The following MPP7 variants were observed in gnomAD, a reference collection of about 807,000 sequenced individuals.
MPP7 encodes MAGUK p55 subfamily member 7.
In MPP7, 60 loss-of-function variants were observed where a neutral mutation model predicts 76.5. The ratio of observed to expected loss-of-function variants is 0.78; its 90% CI spans 0.64 to 0.97. MPP7 has a LOEUF of 0.97. Among genes scored for constraint, MPP7 ranks in the 50% least tolerant of loss-of-function variants. The probability of loss-of-function intolerance (pLI) is 0.00; values close to 1 mark genes in which losing one functional copy is unlikely to be tolerated. For missense variants in MPP7, 641 were observed against 694.0 expected (o/e 0.92, Z 0.86); for synonymous variants, 237 against 244.5 (o/e 0.97, Z 0.29).
intron 1 of MPP7, among the ~76,000 whole-genome samples, chr10:28,293,122 A>T (rs945417870): frequency 5.3e-5 from 8 of 152,152 alleles, no homozygotes; most frequent in African/African-American, 1.9e-4. Context: ...AAAATCTGAC[A>T]GGTGAAAAAC....
At chr10:28,278,540 T>C (rs1840571883) in intron 1 of MPP7, among the ~76,000 whole-genome samples, 1 of 152,098 alleles carries the variant, frequency 6.6e-6, no homozygotes, top group African/African-American at 2.4e-5. Flanking sequence ...AAATGTCATC[T>C]GGTCTCTATA....
chr10:28,332,512 A>C (rs1439802769), intron 1 of MPP7, among the ~76,000 whole-genome samples: 1 of 152,156 alleles, frequency 6.6e-6, no homozygotes, highest in Non-Finnish European at 1.5e-5. Flanking sequence ...AATAGTATAA[A>C]CCTGTTAGAA....
rs1295462679 is a variant in MPP7, at chr10:28,303,010, A to C, written c.-281T>G. 6.7e-6 allele frequency among the ~76,000 whole-genome samples: 1 copy of C among 149,950 alleles called. No individual in the cohort carries two copies. Among genetic ancestry groups the C allele is most frequent in the Non-Finnish European group, 1.5e-5 (1 of 66,900 alleles). ...TCGGCACCGCCGCGGCGGGCGCAGA[A>C]CGCACGAGCCCAGTGGGAGCCCGGC... On this transcript the variant is annotated 5_prime_UTR_variant, in exon 1 of 17. Transcript: ENST00000683449.
At chr10:28,293,404 A>G (rs1840967690) in intron 1 of MPP7, among the ~76,000 whole-genome samples, 1 of 152,254 alleles carries the variant, frequency 6.6e-6, no homozygotes, top group Non-Finnish European at 1.5e-5. Context: ...GGAAAAAATT[A>G]TAAGGTCAGA....
chr10:28,217,212 A>T (rs1014828230), intron 2 of MPP7, among the ~76,000 whole-genome samples: 1 of 152,158 alleles, frequency 6.6e-6, no homozygotes, highest in African/African-American at 2.4e-5. Context: ...TTAGACAAGG[A>T]TATAACATAC....
At chr10:28,316,435 T>TAAAAAAAAAAAAAAAAAAA (rs549621404) in intron 2 of MPP7, among the ~76,000 whole-genome samples, 1 of 37,136 alleles carries the variant, frequency 2.7e-5, no homozygotes, top group African/African-American at 8.4e-5. Flanking sequence ...ACTCTGTCTT[T>TAAAAAAAAAAAAAAAAAAA]AAAAAAAAAA....
chr10:28,199,232 G>A (rs1388518465), intron 3 of MPP7, among the ~76,000 whole-genome samples: 1 of 152,128 alleles, frequency 6.6e-6, no homozygotes, highest in Non-Finnish European at 1.5e-5. Context: ...TATGAATTAA[G>A]GGAGCTACAA....
At chr10:28,077,080 T>C (rs1430138588) in intron 12 of MPP7, among the ~76,000 whole-genome samples, 2 of 55,818 alleles carry the variant, frequency 3.6e-5, no homozygotes, top group East Asian at 2.6e-3. Context: ...AATCTCTAAC[T>C]ACAAAAAAAA....
At chr10:28,166,183 T>C (rs1249292088) in intron 3 of MPP7, among the ~76,000 whole-genome samples, 1 of 152,038 alleles carries the variant, frequency 6.6e-6, no homozygotes, top group Non-Finnish European at 1.5e-5. Context: ...TTCTACTCTT[T>C]TATTCTTTAT....
rs1360784261 is a variant in MPP7 at position 28,239,837 on chromosome 10, C to T, written c.-131-1102G>A. Among the ~76,000 whole-genome samples the T allele has an allele frequency of 2.0e-5, 3 of 152,186 alleles. No individual in the cohort carries two copies. In the East Asian group the frequency reaches 5.8e-4, roughly 29 times the overall value. On this transcript the variant is annotated intron_variant, in intron 1 of 16. Coordinates refer to ENST00000683449, the MANE Select transcript of MPP7 (RefSeq NM_001318170.2). ...ATTTCATCTTCTTAAGCCTTAACTT[C>T]CTTATATGCAAATAGAGACAATAGT... is the stretch of plus-strand genomic sequence containing the variant.
intron 2 of MPP7, among the ~76,000 whole-genome samples, chr10:28,225,042 CTTCCCAGGATAAAAA>C (rs1554853790): frequency 3.3e-5 from 5 of 152,086 alleles, no homozygotes; most frequent in Non-Finnish European, 1.5e-5. Flanking sequence ...CAAACTAGTG[CTTCCCAGGATAAAAA>C]CTGGTAGTCA....
intron 3 of MPP7, among the ~76,000 whole-genome samples, chr10:28,190,779 G>A (rs1471063502): frequency 6.6e-6 from 1 of 151,230 alleles, no homozygotes; most frequent in Non-Finnish European, 1.5e-5. Flanking sequence ...TAGAAGAAAA[G>A]AAATCAGACA....
chr10:28,300,125 A>C (rs1232894100), intron 1 of MPP7, among the ~76,000 whole-genome samples: 1 of 152,166 alleles, frequency 6.6e-6, no homozygotes, highest in East Asian at 1.9e-4. Flanking sequence ...TAGGAGAGAA[A>C]CAGCTGCAGT....
At chr10:28,228,712 G>C (rs1473810795) in intron 2 of MPP7, among the ~76,000 whole-genome samples, 1 of 151,944 alleles carries the variant, frequency 6.6e-6, no homozygotes, top group Non-Finnish European at 1.5e-5. Flanking sequence ...AGTGAGCTGA[G>C]ATCACACCAC....
chr10:28,217,787 G>GA (rs1838363265), intron 2 of MPP7, among the ~76,000 whole-genome samples: 1 of 152,112 alleles, frequency 6.6e-6, no homozygotes, highest in African/African-American at 2.4e-5. Flanking sequence ...TTGTAAAAGG[G>GA]AAAATTACCA....
Position 28,119,729 on chromosome 10 carries a change from G to A in MPP7, c.888-14C>T, listed in dbSNP as rs754026795. The A allele has an allele frequency of 1.9e-6, 3 of 1,610,102 alleles. No homozygotes were observed. In the Admixed American group the frequency reaches 5.0e-5, roughly 27 times the overall value. ...AAAGCCAATCTCCTGGGAGAAAGAA[G>A]GTCAACATACCTATCAATTTTCAGC... On this transcript the variant is annotated splice_polypyrimidine_tract_variant and intron_variant, in intron 10 of 16. Coordinates refer to ENST00000683449, the MANE Select transcript of MPP7 (RefSeq NM_001318170.2).
intron 1 of MPP7, among the ~76,000 whole-genome samples, chr10:28,282,950 A>T (rs1468467470): frequency 6.6e-6 from 1 of 152,036 alleles, no homozygotes; most frequent in Non-Finnish European, 1.5e-5. Context: ...CATTAAAAAA[A>T]GATACCTTTT....
intron 11 of MPP7, among the ~76,000 whole-genome samples, chr10:28,105,405 A>G (rs1834291597): frequency 6.6e-6 from 1 of 152,172 alleles, no homozygotes; most frequent in African/African-American, 2.4e-5. Context: ...ATGGTAACTG[A>G]CAACCTGTCT....
intron 2 of MPP7, among the ~76,000 whole-genome samples, chr10:28,206,695 G>A (rs1485953172): frequency 2.0e-5 from 3 of 152,066 alleles, no homozygotes; most frequent in African/African-American, 4.8e-5. Flanking sequence ...TAAGCTATAA[G>A]CTGTTTGAGA....
Sources: gnomAD v4.1 joint callset for allele counts (sites outside exome capture counted in the v4.1 genomes callset) on GRCh38, gnomAD v4.1.1 for gene constraint, MANE v1.5 for transcripts, NCBI Gene and HGNC (gene_info 2026-07-23, HGNC 2026-07-21) for gene names.